PADI6: variants seen among roughly 807,000 people sequenced by gnomAD.
PADI6 encodes inactive protein-arginine deiminase type-6.
Under a neutral mutation model 78.2 loss-of-function variants are expected in PADI6, and 66 were observed. The observed-to-expected ratio is 0.84, with a 90% CI of 0.69 to 1.04. The LOEUF (loss-of-function observed/expected upper bound fraction) is 1.04, where lower values mean the gene tolerates loss of function less well. PADI6 is among the 50% of genes least tolerant of loss of function. PADI6 has a pLI of 0.00. For missense variants in PADI6, 854 were observed against 866.1 expected (o/e 0.99, Z 0.18); for synonymous variants, 397 against 346.9 (o/e 1.14, Z -1.60).
rs1191652750 is a variant in PADI6, at chr1:17,394,355, T to G, written c.1238T>G (p.Met413Arg). 6.2e-7 allele frequency: 1 copy of G among 1,613,844 alleles called. No individual in the cohort carries two copies. Among genetic ancestry groups the G allele is most frequent in the Non-Finnish European group, 8.5e-7 (1 of 1,179,858 alleles). ...QDTEDHKVAS[M>R]DSIGNLMVSP... ...ACTGAGGACCATAAAGTGGCCAGCA[T>G]GGATTCCATTGGGAACCTGATGGTG... Residue 413 changes from methionine to arginine, a missense_variant, in exon 11 of 16, where the codon ATG (methionine) becomes AGG (arginine). Met to Arg is a moderately conservative substitution (Grantham distance 91). Transcript: ENST00000619609.
chr1:17,397,931 G>T (rs2075262383), intron 14 of PADI6, among the ~76,000 whole-genome samples: 1 of 152,138 alleles, frequency 6.6e-6, no homozygotes, highest in Non-Finnish European at 1.5e-5. Flanking sequence ...ATAGACGAGG[G>T]ACTACTCAAT....
chr1:17,393,672 A>G (rs779570362), intron 9 of PADI6, among the ~76,000 whole-genome samples: 1 of 152,048 alleles, frequency 6.6e-6, no homozygotes, highest in Non-Finnish European at 1.5e-5. Context: ...AGACTGTCTC[A>G]CCATGTTTCC....
At chr1:17,380,670 TA>T (rs11309669) in intron 4 of PADI6, among the ~76,000 whole-genome samples, 11,254 of 148,264 alleles carry the variant, frequency 0.076, 909 homozygotes, top group African/African-American at 0.2. Context: ...TCTAGCTCAC[TA>T]AAAAAAAAAC....
chr1:17,395,798 G>T (rs2100323111), intron 13 of PADI6, 135 bp downstream of exon 13: 1 of 1,221,760 alleles, frequency 8.2e-7, no homozygotes, highest in Non-Finnish European at 1.1e-6. Flanking sequence ...TGCCATATTA[G>T]AACGTCTTAT....
intron 9 of PADI6, among the ~76,000 whole-genome samples, chr1:17,392,737 T>G (rs1018688070): frequency 6.6e-6 from 1 of 152,184 alleles, no homozygotes; most frequent in Non-Finnish European, 1.5e-5. Context: ...GACAATGAGA[T>G]GATACAGTGA....
chr1:17,392,322 A>C, intron 9 of PADI6, 97 bp downstream of exon 9: 1 of 909,012 alleles, frequency 1.1e-6, no homozygotes, highest in Non-Finnish European at 1.7e-6. Context: ...GTTAACCTTA[A>C]AGACCGAAGC....
At chr1:17,391,756 C>T (rs1054856189) in intron 8 of PADI6, among the ~76,000 whole-genome samples, 14 of 152,256 alleles carry the variant, frequency 9.2e-5, no homozygotes, top group Middle Eastern at 6.8e-3. Flanking sequence ...GTGGAGGTTG[C>T]GGTGAGTCAG....
chr1:17,381,735 C>T (rs1570129799), intron 5 of PADI6, among the ~76,000 whole-genome samples: 1 of 152,114 alleles, frequency 6.6e-6, no homozygotes, highest in Admixed American at 6.5e-5. Flanking sequence ...TTGTGGGGGA[C>T]CATGGGATAA....
chr1:17,390,602 CAAA>C lies in PADI6; in HGVS notation c.963-1501_963-1499del, dbSNP rs11410245. Among the ~76,000 whole-genome samples, 8 of 135,060 alleles carry C rather than the reference CAAA, an allele frequency of 5.9e-5. No individual in the cohort carries two copies. The South Asian group carries it at 1.2e-3, about 21-fold the overall frequency. The allele number at this position is 135,060 out of a possible 152,430, so 88.6% of individuals were successfully genotyped here. A position where few individuals can be genotyped will look rare whatever the true frequency, so the allele number is the denominator to read the frequency against. On this transcript the variant is annotated intron_variant, in intron 8 of 15. Transcript: ENST00000619609. ...CTGGGTGACAGATAAGATTCCATCT[CAAA>C]AAAAAAAAAAGACTTCTACCCCTCT...
chr1:17,400,067 G>T (rs558021507), intron 15 of PADI6, among the ~76,000 whole-genome samples: 1 of 151,890 alleles, frequency 6.6e-6, no homozygotes, highest in Non-Finnish European at 1.5e-5. Flanking sequence ...AAAATGCTGG[G>T]TGTGGTGCCA....
intron 9 of PADI6, among the ~76,000 whole-genome samples, chr1:17,393,055 A>G (rs1449174233): frequency 1.3e-5 from 2 of 152,206 alleles, no homozygotes; most frequent in Non-Finnish European, 2.9e-5. Flanking sequence ...CTGAGGCAGA[A>G]GAATCGCTTG....
intron 2 of PADI6, 96 bp downstream of exon 2, chr1:17,373,329 G>A: frequency 7.1e-7 from 1 of 1,417,646 alleles, no homozygotes; most frequent in Non-Finnish European, 9.6e-7. Context: ...ACTCGAGCCT[G>A]GGAAACACGT....
chr1:17,393,983 G>A lies in PADI6; in HGVS notation c.1083G>A (p.Met361Ile). Residue 361 changes from methionine to isoleucine, a missense_variant, in exon 10 of 16, where the codon ATG becomes ATA. By Grantham distance (10) the Met-to-Ile change is conservative. Transcript: ENST00000619609. The stretch of plus-strand genomic sequence containing the variant: ...CTTCCTCTCCATTCCAGGATGAGAT[G>A]GCCTTCTGCTACACCCAGGCTCCCC... ...NRLGRWLQDE[M>I]AFCYTQAPHK... is the part of the protein sequence containing the mutation. The A allele has an allele frequency of 2.5e-6, 4 of 1,613,590 alleles. No individual in the cohort carries two copies. In the South Asian group the frequency reaches 4.4e-5, roughly 18 times the overall value.
intron 3 of PADI6, among the ~76,000 whole-genome samples, chr1:17,375,941 C>A (rs759496683): frequency 6.6e-6 from 1 of 152,024 alleles, no homozygotes; most frequent in Non-Finnish European, 1.5e-5. Context: ...CTAGATCACC[C>A]CCATCAGCTC....
Position 17,398,812 on chromosome 1 carries a change from A to G in PADI6, c.1816A>G (p.Lys606Glu). The G allele has an allele frequency of 6.2e-7, 1 of 1,613,396 alleles. No homozygotes were observed. The highest frequency in any genetic ancestry group is 8.5e-7 in the Non-Finnish European group (1 of 1,179,728). The change falls in exon 15 of 16, where the codon AAG becomes GAG. Residue 606 changes from lysine to glutamate, a missense_variant. Physicochemically the swap from Lys to Glu is moderately conservative, Grantham distance 56 (BLOSUM62 1). Coordinates refer to ENST00000619609, the MANE Select transcript of PADI6 (RefSeq NM_207421.4). ...LTNIPSDQQPKRSFARPYFPD... is the reference protein window; with the variant it reads ...LTNIPSDQQPERSFARPYFPD... ...TAACATCCCCTCTGACCAGCAGCCC[A>G]AGAGGTCCTTTGCGAGGCCATACTT...
In PADI6 at chr1:17,373,123, A is replaced by C. The variant is rs758360748; in HGVS notation, c.184A>C (p.Asn62His). 6.2e-7 allele frequency: 1 copy of C among 1,613,978 alleles called. No homozygotes were observed. Among genetic ancestry groups the C allele is most frequent in the South Asian group, 1.1e-5 (1 of 91,082 alleles). Residue 62 changes from asparagine (N) to histidine (H), a missense_variant, in exon 2 of 16, where the codon AAC becomes CAC. Transcript: ENST00000619609. ...TGGGAGGGTCTTGATCGATGTGGCCAACACGGTGATTTCTGAGAAGGAGGA... is the reference window on the plus strand; with the variant it reads ...TGGGAGGGTCTTGATCGATGTGGCCCACACGGTGATTTCTGAGAAGGAGGA... Reference protein sequence around the residue: ...GSGRVLIDVANTVISEKEDAT... With the variant: ...GSGRVLIDVAHTVISEKEDAT...
intron 3 of PADI6, among the ~76,000 whole-genome samples, chr1:17,376,724 C>T (rs1414832237): frequency 6.6e-6 from 1 of 151,886 alleles, no homozygotes; most frequent in African/African-American, 2.4e-5. Context: ...GTCTATTCTC[C>T]CACCTCTCTT....
chr1:17,372,440 G>T (rs2074971501), intron 1 of PADI6, 79 bp downstream of exon 1: 4 of 1,341,192 alleles, frequency 3.0e-6, no homozygotes, highest in Non-Finnish European at 4.3e-6. Flanking sequence ...TGATCTGGGA[G>T]TTGGGGGTTA....
Position 17,394,058 on chromosome 1 carries a change from T to G in PADI6, c.1158T>G (p.Asp386Glu). 1 of 1,613,886 alleles carries G rather than the reference T, an allele frequency of 6.2e-7. No individual in the cohort carries two copies. The highest frequency in any genetic ancestry group is 2.2e-5 in the East Asian group (1 of 44,882). ...ACACACCTCAGGCCGCCGATCTCGATGAGTTCCCCATGAAGTACTCACTGG... is the reference window on the plus strand; with the variant it reads ...ACACACCTCAGGCCGCCGATCTCGAGGAGTTCCCCATGAAGTACTCACTGG... ...ILDTPQAADL[D>E]EFPMKYSLSP... The change falls in exon 10 of 16, where the codon GAT becomes GAG. Residue 386 changes from aspartate to glutamate, a missense_variant. By Grantham distance (45) the Asp-to-Glu change is conservative (BLOSUM62 2). Transcript: ENST00000619609.
Sources: allele counts gnomAD v4.1 joint callset (sites outside exome capture counted in the v4.1 genomes callset), GRCh38; gene constraint gnomAD v4.1.1; transcripts MANE v1.5; gene names NCBI Gene and HGNC (gene_info 2026-07-23, HGNC 2026-07-21).